The following SUMF1 variants were observed in gnomAD, a reference collection of about 807,000 sequenced individuals.
SUMF1 encodes formylglycine-generating enzyme.
A neutral mutation model predicts 47.6 loss-of-function variants in SUMF1; 48 were observed. The observed-to-expected ratio is 1.01, with a 90% CI of 0.80 to 1.28. The LOEUF (loss-of-function observed/expected upper bound fraction) is 1.28, where lower values mean the gene tolerates loss of function less well. SUMF1 is among the 50% of genes most tolerant of loss of function. The probability of loss-of-function intolerance (pLI) is 0.00; values close to 1 mark genes in which losing one functional copy is unlikely to be tolerated. For synonymous variants in SUMF1, 230 were observed against 192.1 expected, an observed-to-expected ratio of 1.20 and a Z score of -1.63; for missense variants, 571 against 485.4, an observed-to-expected ratio of 1.18 and a Z score of -1.66.
At chr3:4,455,095 A>C (rs540385073) in intron 1 of SUMF1, among the ~76,000 whole-genome samples, 9 of 152,296 alleles carry the variant, frequency 5.9e-5, no homozygotes, top group South Asian at 4.1e-4. Flanking sequence ...AACTTTTTTC[A>C]AAAACCACAG....
At chr3:4,180,589 T>C (rs1029608816) in intron 8 of SUMF1, among the ~76,000 whole-genome samples, 10 of 151,836 alleles carry the variant, frequency 6.6e-5, no homozygotes, top group Admixed American at 1.3e-4. Context: ...AAATATCTAA[T>C]GTAAGTGATG....
At chr3:4,319,733 T>C (rs1242891973) in intron 8 of SUMF1, among the ~76,000 whole-genome samples, 1 of 152,192 alleles carries the variant, frequency 6.6e-6, no homozygotes. Flanking sequence ...AAGGTTATAA[T>C]TGGTTAAAAC....
chr3:4,457,992 T>C (rs895914235), intron 1 of SUMF1, among the ~76,000 whole-genome samples: 1 of 152,196 alleles, frequency 6.6e-6, no homozygotes, highest in East Asian at 1.9e-4. Flanking sequence ...ATGCATCTTA[T>C]ATGGAGTTAA....
Position 4,057,219 on chromosome 3 carries a change from A to G in SUMF1, c.1191+11350T>C, listed in dbSNP as rs570593099. 8.5e-5 allele frequency among the ~76,000 whole-genome samples: 13 copies of G among 152,280 alleles called. No homozygotes were observed. In the East Asian group the frequency reaches 1.5e-3, roughly 18 times the overall value. Reference sequence around the variant, plus strand: ...GATGGGAAGGGAATTAAAAGCTGTCACTGAGAGGGAGTATGCCAGATGGAG... The same window carrying G: ...GATGGGAAGGGAATTAAAAGCTGTCGCTGAGAGGGAGTATGCCAGATGGAG... On this transcript the variant is annotated intron_variant and NMD_transcript_variant, in intron 9 of 12. Transcript: ENST00000448413.
At chr3:4,224,465 A>C (rs1235574957) in intron 8 of SUMF1, among the ~76,000 whole-genome samples, 1 of 152,086 alleles carries the variant, frequency 6.6e-6, no homozygotes, top group Non-Finnish European at 1.5e-5. Context: ...TGCCATGTGC[A>C]CCATTACCCT....
intron 8 of SUMF1, among the ~76,000 whole-genome samples, chr3:4,353,409 C>T (rs11717898): frequency 0.11 from 16,846 of 152,144 alleles, 1,003 homozygotes; most frequent in Middle Eastern, 0.15. Context: ...CCCGCCACCA[C>T]GCCCGGCTAA....
chr3:4,337,850 C>A lies in SUMF1; in HGVS notation c.1014+38480G>T, dbSNP rs541219782. 4.1e-5 allele frequency among the ~76,000 whole-genome samples: 6 copies of A among 145,588 alleles called. No individual in the cohort carries two copies. In the East Asian group the frequency reaches 1.0e-3, roughly 25 times the overall value. On this transcript the variant is annotated intron_variant and NMD_transcript_variant, in intron 8 of 12. Transcript: ENST00000448413. ...TTCTTGCCAATCTGTATCTCCTACCCAACTCTTGAAAATAACCTTGTTTCC... is the reference window on the plus strand; with the variant it reads ...TTCTTGCCAATCTGTATCTCCTACCAAACTCTTGAAAATAACCTTGTTTCC...
At chr3:4,243,459 G>C (rs569304288) in intron 8 of SUMF1, among the ~76,000 whole-genome samples, 1 of 152,122 alleles carries the variant, frequency 6.6e-6, no homozygotes, top group Admixed American at 6.5e-5. Context: ...ATGGTATGTT[G>C]TGTCTTTGTT....
intron 8 of SUMF1, among the ~76,000 whole-genome samples, chr3:4,087,954 T>C (rs1353117697): frequency 6.6e-6 from 1 of 152,100 alleles, no homozygotes; most frequent in African/African-American, 2.4e-5. Context: ...AAATTAATGA[T>C]TGAGAGCTTG....
At chr3:4,323,101 A>C (rs144173784) in intron 8 of SUMF1, among the ~76,000 whole-genome samples, 1 of 152,348 alleles carries the variant, frequency 6.6e-6, no homozygotes, top group African/African-American at 2.4e-5. Context: ...AGCAAAAAAA[A>C]GTAGGCACAA....
chr3:4,202,291 G>A (rs1695556642), intron 8 of SUMF1, among the ~76,000 whole-genome samples: 1 of 152,040 alleles, frequency 6.6e-6, no homozygotes, highest in Admixed American at 6.6e-5. Context: ...TATGGCAACA[G>A]ATAGGGGTCT....
chr3:4,173,738 A>G (rs185827868), intron 8 of SUMF1, among the ~76,000 whole-genome samples: 12 of 152,268 alleles, frequency 7.9e-5, no homozygotes, highest in African/African-American at 1.4e-4. Flanking sequence ...ATGGACATGG[A>G]TGAAGCTGGA....
chr3:4,410,607 T>A (rs1177557846), intron 7 of SUMF1, among the ~76,000 whole-genome samples: 1 of 152,214 alleles, frequency 6.6e-6, no homozygotes, highest in Admixed American at 6.5e-5. Flanking sequence ...TGAATACAAT[T>A]TCTAAAGTTA....
At chr3:4,294,080 T>G (rs1395898320) in intron 8 of SUMF1, among the ~76,000 whole-genome samples, 1 of 152,188 alleles carries the variant, frequency 6.6e-6, no homozygotes, top group Non-Finnish European at 1.5e-5. Flanking sequence ...AGTTCTCAGA[T>G]CTTGGGCAGT....
At chr3:4,414,883 G>A (rs1249245581) in intron 6 of SUMF1, 2 of 152,168 alleles carry the variant, frequency 1.3e-5, no homozygotes, top group African/African-American at 4.8e-5. Context: ...AACTGTCCAA[G>A]AAAACCCTGT....
chr3:4,130,338 C>T (rs568234906), intron 8 of SUMF1, among the ~76,000 whole-genome samples: 1 of 152,268 alleles, frequency 6.6e-6, no homozygotes, highest in East Asian at 1.9e-4. Flanking sequence ...CCATAAGGCC[C>T]ACCAGAAGCA....
chr3:4,233,830 G>A (rs902813113), intron 8 of SUMF1, among the ~76,000 whole-genome samples: 3 of 152,142 alleles, frequency 2.0e-5, no homozygotes, highest in African/African-American at 7.2e-5. Context: ...GCAGAGTACT[G>A]CTCTTCCCTT....
Position 4,343,876 on chromosome 3 carries a change from T to C in SUMF1, c.1014+32454A>G, listed in dbSNP as rs116605744. On this transcript the variant is annotated intron_variant and NMD_transcript_variant, in intron 8 of 12. Transcript: ENST00000448413. The stretch of plus-strand genomic sequence containing the variant: ...GTACAAATAGGTTTATTGGAAAAAA[T>C]TTTAACAATGAAAACTGGGAATAAC... 4.8e-3 allele frequency among the ~76,000 whole-genome samples: 735 copies of C among 152,154 alleles called. 7 individuals carry two copies. Among genetic ancestry groups the C allele is most frequent in the African/African-American group, 0.017 (709 of 41,484 alleles).
chr3:4,303,592 G>A (rs1285096551), intron 8 of SUMF1: 1 of 1,374,578 alleles, frequency 7.3e-7, no homozygotes, highest in Non-Finnish European at 9.4e-7. Flanking sequence ...TCCTCAAGCC[G>A]CCTCGCTGGG....
Sources: allele counts gnomAD v4.1 joint callset (sites outside exome capture counted in the v4.1 genomes callset), GRCh38; gene constraint gnomAD v4.1.1; transcripts MANE v1.5; gene names NCBI Gene and HGNC (gene_info 2026-07-23, HGNC 2026-07-21).